DYNC2I1: variants seen among roughly 807,000 people sequenced by gnomAD.
The protein encoded by DYNC2I1 is cytoplasmic dynein 2 intermediate chain 1.
A neutral mutation model predicts 133.4 loss-of-function variants in DYNC2I1; 89 were observed. That is an observed-to-expected ratio of 0.67 (90% confidence interval 0.56 to 0.80). The LOEUF is 0.80. DYNC2I1 is among the 30% of genes least tolerant of loss of function. The pLI, the probability that DYNC2I1 is intolerant of heterozygous loss-of-function variation, is 0.00. For missense variants in DYNC2I1, 1,291 were observed against 1,314.5 expected (o/e 0.98, Z 0.28); for synonymous variants, 504 against 484.3 (o/e 1.04, Z -0.54).
chr7:158,938,661 C>A (rs1000218509), intron 23 of DYNC2I1, among the ~76,000 whole-genome samples: 2 of 152,136 alleles, frequency 1.3e-5, no homozygotes, highest in Non-Finnish European at 2.9e-5. Flanking sequence ...GAAGCTAAGA[C>A]AGGAGAATCG....
chr7:158,915,204 G>A (rs1346571651), intron 14 of DYNC2I1, among the ~76,000 whole-genome samples: 4 of 151,382 alleles, frequency 2.6e-5, no homozygotes, highest in Admixed American at 6.6e-5. Context: ...TCGACACGCT[G>A]GTTGACATTA....
intron 10 of DYNC2I1, chr7:158,903,689 C>G (rs561231018): frequency 3.3e-5 from 5 of 152,180 alleles, no homozygotes; most frequent in Non-Finnish European, 7.3e-5. Flanking sequence ...CTCAGTTCCC[C>G]GTGGGGTAGC....
At chr7:158,855,895 T>C (rs1841193487), upstream of DYNC2I1, among the ~76,000 whole-genome samples, 1 of 152,016 alleles carries the variant, frequency 6.6e-6, no homozygotes, top group Non-Finnish European at 1.5e-5. Context: ...TATGGGAATA[T>C]AATTTGTTAA....
intron 7 of DYNC2I1, among the ~76,000 whole-genome samples, chr7:158,889,066 C>A (rs1181917803): frequency 6.9e-6 from 1 of 144,442 alleles, no homozygotes; most frequent in Non-Finnish European, 1.5e-5. Context: ...CACACACACA[C>A]CCCTCCTGTT....
intron 15 of DYNC2I1, among the ~76,000 whole-genome samples, chr7:158,921,223 C>T (rs537035980): frequency 8.5e-5 from 13 of 152,212 alleles, no homozygotes; most frequent in South Asian, 2.1e-4. Context: ...AGATGAGAGA[C>T]GGGCCACAGG....
chr7:158,871,516 A>ACGCGAC lies in DYNC2I1; in HGVS notation c.447_452dup (p.Asp150_Arg151dup). 6.5e-7 allele frequency: 1 copy of ACGCGAC among 1,545,784 alleles called. No homozygotes were observed. Among genetic ancestry groups the ACGCGAC allele is most frequent in the South Asian group, 1.2e-5 (1 of 83,996 alleles). On this transcript the variant is annotated inframe_insertion, in exon 3 of 25. Transcript: ENST00000407559. ...ACCACAACCTGCTGGGCCAGGAGACACGCGACCGGCAGCTCCTGGAGCGGG... is the reference window on the plus strand; with the variant it reads ...ACCACAACCTGCTGGGCCAGGAGACACGCGACCGCGACCGGCAGCTCCTGGAGCGGG...
intron 15 of DYNC2I1, among the ~76,000 whole-genome samples, chr7:158,919,560 C>T (rs1005613497): frequency 3.9e-5 from 6 of 152,126 alleles, no homozygotes; most frequent in Admixed American, 2.6e-4. Context: ...TCCGTGTGGC[C>T]GTCTGCTTGG....
chr7:158,913,135 T>C (rs926137848), intron 13 of DYNC2I1, 39 bp downstream of exon 13: 45 of 1,425,502 alleles, frequency 3.2e-5, no homozygotes, highest in Non-Finnish European at 4.0e-5. Flanking sequence ...TTGACTCTCT[T>C]TACATTCTTT....
chr7:158,940,348 G>C (rs924936490), intron 23 of DYNC2I1, among the ~76,000 whole-genome samples: 1 of 152,156 alleles, frequency 6.6e-6, no homozygotes, highest in Non-Finnish European at 1.5e-5. Context: ...TGCTGCCGCT[G>C]ATCTGACAGG....
rs143332574 is a variant in DYNC2I1, at chr7:158,879,052, G to A, written c.574-632G>A. ...TGTGGAGAGGCCAGGAGGGCCGACC[G>A]TGAGTGTCGGGCACCATGTGGGGAG... On this transcript the variant is annotated intron_variant, in intron 4 of 24. Transcript: ENST00000407559. 4.6e-5 allele frequency among the ~76,000 whole-genome samples: 7 copies of A among 152,034 alleles called. No homozygotes were observed. The East Asian group carries it at 1.4e-3, about 29-fold the overall frequency.
intron 13 of DYNC2I1, 73 bp downstream of exon 13, chr7:158,913,169 C>A: frequency 8.8e-7 from 1 of 1,132,748 alleles, no homozygotes; most frequent in South Asian, 1.5e-5. Flanking sequence ...TACTTATTCC[C>A]TTTCTGGTTC....
At chr7:158,873,166 T>C (rs1030213455) in intron 3 of DYNC2I1, among the ~76,000 whole-genome samples, 5 of 152,242 alleles carry the variant, frequency 3.3e-5, no homozygotes, top group Non-Finnish European at 5.9e-5. Flanking sequence ...AACTGTAAGG[T>C]AAAGGTACAT....
At position 158,879,835 on chromosome 7, in the gene DYNC2I1, AAG is replaced by A. The variant is rs1329953902; in HGVS notation, c.729_730del (p.Ser245Ter). The A allele has an allele frequency of 6.2e-7, 1 of 1,613,508 alleles. No homozygotes were observed. Among genetic ancestry groups the A allele is most frequent in the East Asian group, 2.2e-5 (1 of 44,882 alleles). Reference sequence around the variant, plus strand: ...AGGGAAAAAAGAGAGAAATATTCCAAAGAGAAAAGTAATTCATTCTCTGACAA... The same window carrying A: ...AGGGAAAAAAGAGAGAAATATTCCAAAGAAAAGTAATTCATTCTCTGACAA... On this transcript the variant is annotated frameshift_variant, in exon 5 of 25. Transcript: ENST00000407559. LOFTEE classifies it high-confidence loss of function.
chr7:158,890,602 T>C (rs962136248), intron 7 of DYNC2I1, among the ~76,000 whole-genome samples: 2 of 152,086 alleles, frequency 1.3e-5, no homozygotes, highest in Non-Finnish European at 2.9e-5. Context: ...GTGACTTCTT[T>C]TTTTTTTTCT....
rs1848731765 is a variant in DYNC2I1, at chr7:158,918,765, A to G, written c.1817A>G (p.Asp606Gly). ...GTGATGGCCGTTTTGCTGGAAGAGG[A>G]TCGCTTGGCAGCTGAACCCAGCTGG... is the stretch of plus-strand genomic sequence containing the variant. ...CQVMAVLLEE[D>G]RLAAEPSWNL... The change falls in exon 15 of 25, where the codon GAT becomes GGT. Residue 606 changes from aspartate to glycine, a missense_variant. Asp to Gly is a moderately conservative substitution (Grantham distance 94, BLOSUM62 -1). Coordinates refer to ENST00000407559, the MANE Select transcript of DYNC2I1 (RefSeq NM_018051.5). 1 of 1,613,734 alleles carries G rather than the reference A, an allele frequency of 6.2e-7. No homozygotes were observed. Among genetic ancestry groups the G allele is most frequent in the African/African-American group, 1.3e-5 (1 of 74,916 alleles).
At chr7:158,931,246 G>A (rs1563194029) in intron 21 of DYNC2I1, among the ~76,000 whole-genome samples, 2 of 152,216 alleles carry the variant, frequency 1.3e-5, no homozygotes, top group East Asian at 3.9e-4. Flanking sequence ...GTATTTATAT[G>A]TTTTATGTTA....
intron 3 of DYNC2I1, 85 bp from the exon 4 acceptor site, chr7:158,876,524 C>A (rs1288762861): frequency 8.3e-6 from 12 of 1,454,326 alleles, no homozygotes; most frequent in Non-Finnish European, 1.0e-5. Context: ...ATAAAATGTG[C>A]AATACCATCC....
At chr7:158,885,446 A>G (rs1563111697) in intron 6 of DYNC2I1, among the ~76,000 whole-genome samples, 1 of 151,136 alleles carries the variant, frequency 6.6e-6, no homozygotes, top group African/African-American at 2.4e-5. Flanking sequence ...GGTTCAAGCT[A>G]TTCTTCTGCC....
rs566656488 is a variant in DYNC2I1 at position 158,901,932 on chromosome 7, A to G, written c.1137+116A>G. On this transcript the variant is annotated intron_variant, in intron 9 of 24. Transcript: ENST00000407559. ...CTTTTTATTAATCCTAATACTCAATATCTGGCTAGGTTGATTTAGGTCAAG... is the reference window on the plus strand; with the variant it reads ...CTTTTTATTAATCCTAATACTCAATGTCTGGCTAGGTTGATTTAGGTCAAG... The G allele has an allele frequency of 3.7e-6, 3 of 806,304 alleles. No individual in the cohort carries two copies. In the East Asian group the frequency reaches 8.7e-5, roughly 23 times the overall value. 49.9% of individuals were successfully genotyped at this position (806,304 alleles called of 1,614,324 possible).
Sources: allele counts gnomAD v4.1 joint callset (sites outside exome capture counted in the v4.1 genomes callset), GRCh38; gene constraint gnomAD v4.1.1; transcripts MANE v1.5; gene names NCBI Gene and HGNC (gene_info 2026-07-23, HGNC 2026-07-21).